ACAD9: variants seen among roughly 807,000 people sequenced by gnomAD.
ACAD9 encodes acyl-CoA dehydrogenase family member 9, also known as complex I assembly factor ACAD9, mitochondrial.
A neutral mutation model predicts 70.2 loss-of-function variants in ACAD9; 53 were observed. That is an observed-to-expected ratio of 0.75 (90% confidence interval 0.61 to 0.95). The LOEUF (loss-of-function observed/expected upper bound fraction) is 0.95. Ranked by LOEUF, ACAD9 falls within the 40% of genes least tolerant of loss-of-function variation. The probability of loss-of-function intolerance (pLI) is 0.00; values close to 1 mark genes in which losing one functional copy is unlikely to be tolerated. For synonymous variants in ACAD9, 313 were observed against 312.1 expected (o/e 1.00, Z -0.03); for missense variants, 777 against 802.8 (o/e 0.97, Z 0.39).
Position 128,908,272 on chromosome 3 carries a change from C to A in ACAD9, c.1358+8C>A. 2 of 1,614,064 alleles carry A rather than the reference C, an allele frequency of 1.2e-6. No homozygotes were observed. Among genetic ancestry groups the A allele is most frequent in the South Asian group, 2.2e-5 (2 of 91,088 alleles). On this transcript the variant is annotated splice_region_variant and intron_variant, in intron 13 of 17. Coordinates refer to ENST00000308982, the MANE Select transcript of ACAD9 (RefSeq NM_014049.5). Reference sequence around the variant, plus strand: ...CCTGACTACCAGGATCCAGTAGGTGCCATTGTCACCGTGTGCTTCTCAGGT... The same window carrying A: ...CCTGACTACCAGGATCCAGTAGGTGACATTGTCACCGTGTGCTTCTCAGGT...
intron 2 of ACAD9, among the ~76,000 whole-genome samples, chr3:128,887,777 G>A (rs972593654): frequency 2.6e-5 from 4 of 152,016 alleles, no homozygotes; most frequent in South Asian, 4.2e-4. Flanking sequence ...CTGCCATGAT[G>A]TGAATTCAAA....
rs540708379 is a variant in ACAD9 at position 128,893,071 on chromosome 3, C to T, written c.245-484C>T. Among the ~76,000 whole-genome samples the T allele has an allele frequency of 6.6e-5, 10 of 152,012 alleles. No individual in the cohort carries two copies. In the South Asian group the frequency reaches 1.5e-3, roughly 22 times the overall value. On this transcript the variant is annotated intron_variant, in intron 2 of 17. Coordinates refer to ENST00000308982, the MANE Select transcript of ACAD9 (RefSeq NM_014049.5). ...TTTTAACAATTTTATTCTGGCCGGG[C>T]GTGGTGGCTCACACCTATGATCCCA...
In ACAD9 at chr3:128,912,991, C is replaced by T. The variant is rs1936516451; in HGVS notation, c.*384C>T. On this transcript the variant is annotated 3_prime_UTR_variant, in exon 18 of 18. Transcript: ENST00000308982. ...AGCCATTTCTGCTCAACCACACATT[C>T]TCTAAGAAACAGCTTGAAAGCTCTG... 2.1e-6 allele frequency: 1 copy of T among 465,378 alleles called. No homozygotes were observed. 28.8% of individuals were successfully genotyped at this position (465,378 alleles called of 1,614,324 possible).
intron 8 of ACAD9, 144 bp downstream of exon 8, chr3:128,901,493 A>G: frequency 1.1e-6 from 1 of 907,230 alleles, no homozygotes; most frequent in African/African-American, 1.6e-5. Context: ...GGAAATTGGC[A>G]AAATGGACAC....
intron 2 of ACAD9, 80 bp downstream of exon 2, chr3:128,884,826 A>C (rs914323328): frequency 2.7e-6 from 3 of 1,102,194 alleles, no homozygotes; most frequent in Non-Finnish European, 4.2e-6. Flanking sequence ...AGTGACATAC[A>C]TAGGAGAAGT....
At chr3:128,892,067 T>C (rs985820590) in intron 2 of ACAD9, among the ~76,000 whole-genome samples, 16 of 152,212 alleles carry the variant, frequency 1.1e-4, no homozygotes, top group African/African-American at 3.6e-4. Context: ...TGGATTCATT[T>C]ATATAAAACT....
intron 3 of ACAD9, among the ~76,000 whole-genome samples, chr3:128,894,854 G>A (rs1261505502): frequency 7.0e-6 from 1 of 142,760 alleles, no homozygotes; most frequent in Non-Finnish European, 1.5e-5. Flanking sequence ...TGTTTACTTT[G>A]TACCTTTCTG....
At chr3:128,885,982 A>C (rs1337675359) in intron 2 of ACAD9, among the ~76,000 whole-genome samples, 1 of 151,522 alleles carries the variant, frequency 6.6e-6, no homozygotes, top group East Asian at 2.0e-4. Context: ...GCACCACTGC[A>C]CTCCAGCCTG....
intron 9 of ACAD9, 46 bp from the exon 10 acceptor site, chr3:128,904,016 C>A: frequency 6.3e-7 from 1 of 1,593,636 alleles, no homozygotes; most frequent in Non-Finnish European, 8.6e-7. Flanking sequence ...CATGTTTGAA[C>A]CACAGAAATA....
chr3:128,898,850 C>G (rs1288740279), intron 6 of ACAD9, among the ~76,000 whole-genome samples: 1 of 152,204 alleles, frequency 6.6e-6, no homozygotes, highest in Non-Finnish European at 1.5e-5. Context: ...CCCTCTGTTT[C>G]CTTTCCTCCT....
At chr3:128,899,626 C>T (rs987539445) in intron 7 of ACAD9, among the ~76,000 whole-genome samples, 165 bp downstream of exon 7, 1 of 151,948 alleles carries the variant, frequency 6.6e-6, no homozygotes, top group Non-Finnish European at 1.5e-5. Flanking sequence ...TAAACACTTT[C>T]AGTTTTTGTT....
At chr3:128,898,013 C>T (rs1191571134) in intron 6 of ACAD9, among the ~76,000 whole-genome samples, 1 of 152,186 alleles carries the variant, frequency 6.6e-6, no homozygotes, top group East Asian at 1.9e-4. Context: ...CGTGTCACCA[C>T]TCCTGGCTAA....
At chr3:128,894,837 C>T (rs567641508) in intron 3 of ACAD9, among the ~76,000 whole-genome samples, 1 of 148,898 alleles carries the variant, frequency 6.7e-6, no homozygotes, top group African/African-American at 2.5e-5. Context: ...GCCCAGCCCT[C>T]GATTTTTGTT....
chr3:128,899,012 G>T (rs1441911876), intron 6 of ACAD9, among the ~76,000 whole-genome samples: 1 of 152,210 alleles, frequency 6.6e-6, no homozygotes, highest in Non-Finnish European at 1.5e-5. Context: ...TTGTCTGGCG[G>T]TGGAGCCTGA....
At chr3:128,892,386 A>G (rs1935446432) in intron 2 of ACAD9, among the ~76,000 whole-genome samples, 2 of 152,220 alleles carry the variant, frequency 1.3e-5, no homozygotes, top group African/African-American at 2.4e-5. Context: ...TCTTAAGTGT[A>G]GGTTATGGTG....
In ACAD9 at chr3:128,912,675, C is replaced by A. The variant is rs116106966; in HGVS notation, c.*68C>A. Reference sequence around the variant, plus strand: ...GGCCCGTTGCTGGATGACTGTTACTCTTTTTTCAGAAGGTGTTGGGATTAT... The same window carrying A: ...GGCCCGTTGCTGGATGACTGTTACTATTTTTTCAGAAGGTGTTGGGATTAT... On this transcript the variant is annotated 3_prime_UTR_variant, in exon 18 of 18. Transcript: ENST00000308982. The A allele has an allele frequency of 1.5e-6, 2 of 1,345,624 alleles. No individual in the cohort carries two copies. Among genetic ancestry groups the A allele is most frequent in the Admixed American group, 1.7e-5 (1 of 59,652 alleles). The allele number at this position is 1,345,624 out of a possible 1,614,324, so 83.4% of individuals were successfully genotyped here.
chr3:128,891,451 T>A (rs1353380252), intron 2 of ACAD9, among the ~76,000 whole-genome samples: 1 of 152,154 alleles, frequency 6.6e-6, no homozygotes, highest in Non-Finnish European at 1.5e-5. Context: ...TGAAACCCCG[T>A]CTCTACCAAA....
chr3:128,885,002 A>G (rs192854727), intron 2 of ACAD9, among the ~76,000 whole-genome samples: 1 of 152,368 alleles, frequency 6.6e-6, no homozygotes, highest in East Asian at 1.9e-4. Flanking sequence ...CCATAAAGCT[A>G]TAATAAAAAT....
intron 2 of ACAD9, among the ~76,000 whole-genome samples, chr3:128,886,489 A>G (rs928149838): frequency 6.6e-6 from 1 of 151,944 alleles, no homozygotes; most frequent in Non-Finnish European, 1.5e-5. Flanking sequence ...TGGGTGGATC[A>G]CCTGAGGTCG....
Sources: allele counts gnomAD v4.1 joint callset (sites outside exome capture counted in the v4.1 genomes callset), GRCh38; gene constraint gnomAD v4.1.1; transcripts MANE v1.5; gene names NCBI Gene and HGNC (gene_info 2026-07-23, HGNC 2026-07-21).